Variants in EXT2 observed in about 807,000 individuals in gnomAD.
EXT2 encodes exostosin-2.
Under a neutral mutation model 81.6 loss-of-function variants are expected in EXT2, and 53 were observed. The observed-to-expected ratio is 0.65, with a 90% CI of 0.52 to 0.82. The LOEUF (loss-of-function observed/expected upper bound fraction) is 0.82, where lower values mean the gene tolerates loss of function less well. Ranked by LOEUF, EXT2 falls within the 40% of genes least tolerant of loss-of-function variation. The pLI is 0.00. For missense variants in EXT2, 774 were observed against 910.2 expected, an observed-to-expected ratio of 0.85 and a Z score of 1.93; for synonymous variants, 320 against 340.0, an observed-to-expected ratio of 0.94 and a Z score of 0.65.
At chr11:44,149,506 AAGCTTGTAAAG>A (rs1954764768) in intron 7 of EXT2, among the ~76,000 whole-genome samples, 1 of 152,212 alleles carries the variant, frequency 6.6e-6, no homozygotes, top group African/African-American at 2.4e-5. Context: ...AATGCCATAT[AAGCTTGTAAAG>A]AGCTTGTAAA....
At chr11:44,121,956 C>T (rs1954323458) in intron 4 of EXT2, among the ~76,000 whole-genome samples, 1 of 152,132 alleles carries the variant, frequency 6.6e-6, no homozygotes, top group African/African-American at 2.4e-5. Flanking sequence ...TTGAACATTC[C>T]ACGTGCGCCT....
At chr11:44,109,087 C>T (rs1416604305) in intron 2 of EXT2, 107 bp from the exon 3 acceptor site, 17 of 1,118,918 alleles carry the variant, frequency 1.5e-5, no homozygotes, top group Admixed American at 5.3e-5. Flanking sequence ...ACCTGAGAAG[C>T]GGCCCTATTT....
rs997430270 is a variant in EXT2, at chr11:44,247,460, C to T, written c.*3173C>T. 6.6e-6 allele frequency among the ~76,000 whole-genome samples: 1 copy of T among 152,142 alleles called. No individual in the cohort carries two copies. The highest frequency in any genetic ancestry group is 1.9e-4 in the East Asian group (1 of 5,182). ...AGAGGCAGGGTTTCACCACGTTAGC[C>T]AGGCTGGTCTCGAACTCCTGACCTC... On this transcript the variant is annotated 3_prime_UTR_variant, in exon 14 of 14. Coordinates refer to ENST00000533608, the MANE Select transcript of EXT2 (RefSeq NM_207122.2).
chr11:44,202,274 A>G (rs1955530777), intron 9 of EXT2, among the ~76,000 whole-genome samples: 1 of 152,214 alleles, frequency 6.6e-6, no homozygotes, highest in South Asian at 2.1e-4. Flanking sequence ...TTGGACATAT[A>G]TAGATGAACA....
At chr11:44,198,063 G>A (rs1955479762) in intron 9 of EXT2, 45 bp downstream of exon 9, 1 of 1,588,112 alleles carries the variant, frequency 6.3e-7, no homozygotes, top group African/African-American at 1.3e-5. Flanking sequence ...ATTTTGGATG[G>A]CCAAATTATT....
intron 4 of EXT2, chr11:44,116,465 C>T (rs1954221940): frequency 6.6e-6 from 1 of 152,200 alleles, no homozygotes; most frequent in Non-Finnish European, 1.5e-5. Flanking sequence ...ATGAATAATG[C>T]TGCTATGAAC....
intron 1 of EXT2, among the ~76,000 whole-genome samples, chr11:44,099,327 A>G (rs1036445736): frequency 6.6e-6 from 1 of 152,144 alleles, no homozygotes; most frequent in African/African-American, 2.4e-5. Context: ...CTGGGACTAC[A>G]GGCACCCACC....
rs1845618 is a variant in EXT2, at chr11:44,231,787, A to G, written c.1663-566A>G. Reference sequence around the variant, plus strand: ...CTTAATCCAACAAAGCTCTTATGTAAGGACCTTTCCAGATTTGGAAAGCAA... The same window carrying G: ...CTTAATCCAACAAAGCTCTTATGTAGGGACCTTTCCAGATTTGGAAAGCAA... On this transcript the variant is annotated intron_variant, in intron 10 of 13. Coordinates refer to ENST00000533608, the MANE Select transcript of EXT2 (RefSeq NM_207122.2). Among the ~76,000 whole-genome samples, 37,318 of 152,162 alleles carry G rather than the reference A, an allele frequency of 0.25. 5,637 individuals carry two copies. The highest frequency in any genetic ancestry group is 0.41 in the Admixed American group (6,330 of 15,280).
chr11:44,147,775 CTTTT>C (rs66961451), intron 7 of EXT2, among the ~76,000 whole-genome samples: 2 of 103,396 alleles, frequency 1.9e-5, no homozygotes, highest in African/African-American at 8.1e-5. Context: ...TCCACATTGT[CTTTT>C]TTTTTTTTTT....
At chr11:44,120,025 G>A (rs1271706247) in intron 4 of EXT2, among the ~76,000 whole-genome samples, 1 of 150,456 alleles carries the variant, frequency 6.6e-6, no homozygotes, top group Non-Finnish European at 1.5e-5. Flanking sequence ...TCCCCTTCAG[G>A]TTTAATCCAG....
intron 8 of EXT2, among the ~76,000 whole-genome samples, chr11:44,174,941 C>A (rs922530258): frequency 1.3e-5 from 2 of 152,128 alleles, no homozygotes; most frequent in Non-Finnish European, 2.9e-5. Context: ...GAGGGAGAGG[C>A]AGAGGATGAA....
intron 13 of EXT2, among the ~76,000 whole-genome samples, chr11:44,238,043 C>T (rs1009844707): frequency 6.6e-6 from 1 of 151,392 alleles, no homozygotes; most frequent in African/African-American, 2.4e-5. Context: ...GAGCTGAGAT[C>T]GTGCCATTGC....
At chr11:44,138,231 G>A (rs1954597956) in intron 7 of EXT2, among the ~76,000 whole-genome samples, 1 of 152,104 alleles carries the variant, frequency 6.6e-6, no homozygotes, top group Admixed American at 6.5e-5. Flanking sequence ...ACAAGCGGAA[G>A]GTAATGAAAA....
intron 8 of EXT2, 136 bp downstream of exon 8, chr11:44,171,878 G>A (rs1362113005): frequency 5.3e-6 from 7 of 1,311,490 alleles, no homozygotes; most frequent in Non-Finnish European, 7.6e-6. Context: ...TATACTTGGG[G>A]CCTGATAAGG....
chr11:44,199,067 C>T (rs1955492691), intron 9 of EXT2, among the ~76,000 whole-genome samples: 1 of 152,172 alleles, frequency 6.6e-6, no homozygotes, highest in Non-Finnish European at 1.5e-5. Context: ...AATAAAACAG[C>T]TATTTTAAAT....
chr11:44,142,015 G>A (rs1954652993), intron 7 of EXT2, among the ~76,000 whole-genome samples: 2 of 152,174 alleles, frequency 1.3e-5, no homozygotes, highest in African/African-American at 4.8e-5. Flanking sequence ...AGAACTCAGT[G>A]TTTTCAAACC....
intron 10 of EXT2, among the ~76,000 whole-genome samples, chr11:44,228,555 A>G (rs893001907): frequency 6.6e-6 from 1 of 152,212 alleles, no homozygotes; most frequent in Non-Finnish European, 1.5e-5. Flanking sequence ...TTGATCCTGT[A>G]GTCAGCTGCA....
intron 7 of EXT2, among the ~76,000 whole-genome samples, chr11:44,147,955 G>A (rs562601780): frequency 2.1e-4 from 32 of 151,998 alleles, no homozygotes; most frequent in Admixed American, 6.6e-4. Context: ...TGAGCATCAC[G>A]CTTGGAGCAA....
chr11:44,196,107 A>T (rs982735464), intron 8 of EXT2, among the ~76,000 whole-genome samples: 1 of 152,212 alleles, frequency 6.6e-6, no homozygotes, highest in African/African-American at 2.4e-5. Context: ...TAATATTTTA[A>T]TGGTAGCAAA....
Sources: allele counts gnomAD v4.1 joint callset (sites outside exome capture counted in the v4.1 genomes callset), GRCh38; gene constraint gnomAD v4.1.1; transcripts MANE v1.5; gene names NCBI Gene and HGNC (gene_info 2026-07-23, HGNC 2026-07-21).